The following APBA2 variants were observed in gnomAD, a reference collection of about 807,000 sequenced individuals.
APBA2 encodes amyloid beta precursor protein binding family A member 2.
Under a neutral mutation model 75.0 loss-of-function variants are expected in APBA2, and 30 were observed. That is an observed-to-expected ratio of 0.40 (90% CI 0.30 to 0.54). The LOEUF (loss-of-function observed/expected upper bound fraction) is 0.54, where lower values mean the gene tolerates loss of function less well. Ranked by LOEUF, APBA2 falls within the 20% of genes least tolerant of loss-of-function variation. The pLI is 0.49. For synonymous variants in APBA2, 444 were observed against 409.6 expected (o/e 1.08, Z -1.01); for missense variants, 801 against 1,016.1 (o/e 0.79, Z 2.88).
rs772830211 is a variant in APBA2 at position 29,054,541 on chromosome 15, G to T, written c.657G>T (p.Leu219=). Residue 219 remains leucine (L), a synonymous_variant, in exon 4 of 15, where the codon CTG becomes CTT. Transcript: ENST00000683413. This position sits in a 1 kb window ranked among gnomAD's most constrained non-coding sequence, Gnocchi z 6.1. Reference sequence around the variant, plus strand: ...GCCTGAGGCGTGGGGATGGGGACCTGGAGGACCAGGAGGAGGACATTGACC... The same window carrying T: ...GCCTGAGGCGTGGGGATGGGGACCTTGAGGACCAGGAGGAGGACATTGACC... The part of the protein sequence containing the change: ...PYRLRRGDGD[L]EDQEEDIDQI... The T allele has an allele frequency of 1.2e-6, 2 of 1,613,460 alleles. No homozygotes were observed. Among genetic ancestry groups the T allele is most frequent in the Admixed American group, 3.3e-5 (2 of 59,896 alleles).
intron 3 of APBA2, among the ~76,000 whole-genome samples, chr15:29,015,013 C>CT (rs34495949): frequency 1.1e-4 from 17 of 151,630 alleles, no homozygotes; most frequent in Non-Finnish European, 1.6e-4. Flanking sequence ...TGGATGTGGA[C>CT]TTTTTTTTTG....
chr15:29,034,237 G>A (rs1181932379), intron 3 of APBA2, among the ~76,000 whole-genome samples: 3 of 152,148 alleles, frequency 2.0e-5, no homozygotes, highest in African/African-American at 7.2e-5. Flanking sequence ...TCAATATCTA[G>A]CCTTCCCAGA....
rs758000862 is a variant in APBA2 at position 29,075,039 on chromosome 15, A to T, written c.1032+38A>T. On this transcript the variant is annotated intron_variant, in intron 5 of 14. Transcript: ENST00000683413. Reference sequence around the variant, plus strand: ...AAGGATGAGAGTTCTGGGCTGGAACACTCATCTAATGATGGAGTGGCCCAC... The same window carrying T: ...AAGGATGAGAGTTCTGGGCTGGAACTCTCATCTAATGATGGAGTGGCCCAC... 7.6e-6 allele frequency: 11 copies of T among 1,455,816 alleles called. No homozygotes were observed. The South Asian group carries it at 9.4e-5, about 12-fold the overall frequency. The allele number at this position is 1,455,816 out of a possible 1,614,324, so 90.2% of individuals were successfully genotyped here. A position where few individuals can be genotyped will look rare whatever the true frequency, so the allele number is the denominator to read the frequency against.
In APBA2 at chr15:29,108,618, C is replaced by G. The variant is rs2044567004; in HGVS notation, c.2037+229C>G. 17 of 647,168 alleles carry G rather than the reference C, an allele frequency of 2.6e-5. No homozygotes were observed. In the East Asian group the frequency reaches 4.8e-4, roughly 18 times the overall value. The allele number at this position is 647,168 out of a possible 1,614,324, so 40.1% of individuals were successfully genotyped here. ...ATGGCCGTGGATTGGGCCCCTCCAG[C>G]CTTTCCCAGGCTCCCTTGTCCCCAT... On this transcript the variant is annotated intron_variant, in intron 13 of 14. Transcript: ENST00000683413.
In APBA2 at chr15:29,075,140, G is replaced by C. The variant is rs1403353802; in HGVS notation, c.1032+139G>C. ...CCTGGGGGAGAGGGAGTCCAGGTCAGGCCAAGTTGGTGTCACCATATGGTG... is the reference window on the plus strand; with the variant it reads ...CCTGGGGGAGAGGGAGTCCAGGTCACGCCAAGTTGGTGTCACCATATGGTG... On this transcript the variant is annotated intron_variant, in intron 5 of 14. Coordinates refer to ENST00000683413, the MANE Select transcript of APBA2 (RefSeq NM_001353788.2). 5.4e-6 allele frequency: 4 copies of C among 744,760 alleles called. No individual in the cohort carries two copies. The East Asian group carries it at 8.1e-5, about 15-fold the overall frequency. 46.1% of individuals were successfully genotyped at this position (744,760 alleles called of 1,614,324 possible). A position where few individuals can be genotyped will look rare whatever the true frequency, so the allele number is the denominator to read the frequency against.
chr15:29,114,490 A>C (rs1022879684), intron 14 of APBA2, among the ~76,000 whole-genome samples: 1 of 152,064 alleles, frequency 6.6e-6, no homozygotes, highest in Admixed American at 6.5e-5. Context: ...CAGAGCTCAC[A>C]AGGAGGCAGG....
At chr15:28,989,754 A>C (rs1315970231) in intron 2 of APBA2, among the ~76,000 whole-genome samples, 1 of 152,064 alleles carries the variant, frequency 6.6e-6, no homozygotes, top group Non-Finnish European at 1.5e-5. Context: ...GGCTGTGTAC[A>C]CCCTCTGCTT....
intron 3 of APBA2, among the ~76,000 whole-genome samples, chr15:29,018,616 C>T (rs910786922): frequency 1.3e-5 from 2 of 152,148 alleles, no homozygotes; most frequent in Admixed American, 6.6e-5. Context: ...CTGAGCAGCC[C>T]CTGGCTAGGG....
chr15:29,107,527 T>C (rs2044488302), intron 12 of APBA2, among the ~76,000 whole-genome samples: 1 of 152,128 alleles, frequency 6.6e-6, no homozygotes, highest in African/African-American at 2.4e-5. Context: ...TTGTTCGGCA[T>C]GAGAGATGAA....
chr15:29,005,107 G>A (rs999054393), intron 3 of APBA2, among the ~76,000 whole-genome samples: 1 of 152,118 alleles, frequency 6.6e-6, no homozygotes, highest in Admixed American at 6.5e-5. Context: ...AATAGCAAAG[G>A]CGTAGATAGG....
intron 6 of APBA2, 117 bp downstream of exon 6, chr15:29,076,208 CA>C (rs1252339357): frequency 3.4e-5 from 37 of 1,103,604 alleles, no homozygotes; most frequent in Middle Eastern, 4.1e-4. Context: ...GCCTACCTAC[CA>C]GCAAGGTGCT....
intron 2 of APBA2, among the ~76,000 whole-genome samples, chr15:28,986,137 A>G (rs950442970): frequency 2.0e-5 from 3 of 152,226 alleles, no homozygotes; most frequent in African/African-American, 7.2e-5. Flanking sequence ...TCTCCAGCCC[A>G]TAGAGGAGGC....
At chr15:29,116,915 C>G (rs1330368555) in intron 14 of APBA2, 147 bp from the exon 15 acceptor site, 1 of 851,962 alleles carries the variant, frequency 1.2e-6, no homozygotes, top group Non-Finnish European at 2.0e-6. Context: ...TGTCCCCAGG[C>G]CTGGGCAGGC....
At chr15:29,033,248 C>T (rs937248946) in intron 3 of APBA2, among the ~76,000 whole-genome samples, 2 of 152,234 alleles carry the variant, frequency 1.3e-5, no homozygotes, top group Non-Finnish European at 2.9e-5. Context: ...GCCCTCTCCT[C>T]TTTGATGTCC....
At chr15:29,023,662 G>T (rs1479157164) in intron 3 of APBA2, among the ~76,000 whole-genome samples, 1 of 151,600 alleles carries the variant, frequency 6.6e-6, no homozygotes, top group Non-Finnish European at 1.5e-5. Flanking sequence ...TGCCATGTTG[G>T]CCAGGCTGGT....
intron 2 of APBA2, among the ~76,000 whole-genome samples, chr15:28,933,233 G>C (rs1321521174): frequency 1.3e-5 from 2 of 152,100 alleles, no homozygotes; most frequent in Admixed American, 6.5e-5. Flanking sequence ...CTTTGGGGGG[G>C]CACATTCCAA....
intron 6 of APBA2, among the ~76,000 whole-genome samples, chr15:29,092,765 G>A (rs576234250): frequency 1.3e-5 from 2 of 152,296 alleles, no homozygotes; most frequent in South Asian, 2.1e-4. Context: ...GGGATGTGAC[G>A]CCTTCTGGAT....
At chr15:29,110,618 TGAG>T (rs1424597098) in intron 13 of APBA2, among the ~76,000 whole-genome samples, 2 of 152,086 alleles carry the variant, frequency 1.3e-5, no homozygotes, top group African/African-American at 4.8e-5. Flanking sequence ...TATAACCCCA[TGAG>T]GAGCACAGGA....
intron 2 of APBA2, among the ~76,000 whole-genome samples, chr15:28,938,640 T>G (rs2035015319): frequency 6.6e-6 from 1 of 152,074 alleles, no homozygotes; most frequent in South Asian, 2.1e-4. Context: ...CTTAAGTAGC[T>G]GGGACTACAA....
Sources: allele counts gnomAD v4.1 joint callset (sites outside exome capture counted in the v4.1 genomes callset), GRCh38; gene constraint gnomAD v4.1.1; non-coding constraint Gnocchi (gnomAD v3.1); transcripts MANE v1.5; gene names NCBI Gene and HGNC (gene_info 2026-07-23, HGNC 2026-07-21).